ACAD10: variants seen among roughly 807,000 people sequenced by gnomAD.
ACAD10 encodes the protein acyl-CoA dehydrogenase family member 10, also known as ACAD-10.
A neutral mutation model predicts 116.8 loss-of-function variants in ACAD10; 112 were observed. The ratio of observed to expected loss-of-function variants is 0.96; its 90% confidence interval spans 0.82 to 1.12. ACAD10 has a LOEUF of 1.12. ACAD10 is among the 50% of genes most tolerant of loss of function. The probability of loss-of-function intolerance (pLI) is 0.00; values close to 1 mark genes in which losing one functional copy is unlikely to be tolerated. For synonymous variants in ACAD10, 486 were observed against 510.6 expected (o/e 0.95, Z 0.65); for missense variants, 1,259 against 1,350.2 (o/e 0.93, Z 1.06).
At chr12:111,755,160 T>G (rs1890174624) in intron 19 of ACAD10, among the ~76,000 whole-genome samples, 1 of 152,076 alleles carries the variant, frequency 6.6e-6, no homozygotes, top group African/African-American at 2.4e-5. Context: ...TGGAGTAGAG[T>G]GGCACAATCT....
rs1221525884 is a variant in ACAD10, at chr12:111,747,289, A to G, written c.2395-6A>G. 6.2e-7 allele frequency: 1 copy of G among 1,613,826 alleles called. No homozygotes were observed. The highest frequency in any genetic ancestry group is 1.1e-5 in the South Asian group (1 of 91,070). On this transcript the variant is annotated splice_region_variant and splice_polypyrimidine_tract_variant and intron_variant, in intron 15 of 20. Coordinates refer to ENST00000313698, the MANE Select transcript of ACAD10 (RefSeq NM_025247.6). ...CGTCTCTGACTGGAATATGCTCCCCACTCAGGTTGCCTCTTCAGATGCCAC... is the reference window on the plus strand; with the variant it reads ...CGTCTCTGACTGGAATATGCTCCCCGCTCAGGTTGCCTCTTCAGATGCCAC...
intron 7 of ACAD10, 144 bp downstream of exon 7, chr12:111,716,106 C>T (rs917270759): frequency 8.1e-7 from 1 of 1,240,560 alleles, no homozygotes; most frequent in South Asian, 1.4e-5. Flanking sequence ...TGGGTCACAC[C>T]TATAATCCCA....
intron 1 of ACAD10, among the ~76,000 whole-genome samples, chr12:111,690,024 A>C (rs559847812): frequency 1.3e-4 from 20 of 152,166 alleles, no homozygotes; most frequent in Non-Finnish European, 2.6e-4. Flanking sequence ...CTTACTTCGA[A>C]TATTTTCTAT....
intron 8 of ACAD10, among the ~76,000 whole-genome samples, chr12:111,723,507 G>A (rs1593035721): frequency 6.4e-5 from 9 of 140,102 alleles, no homozygotes; most frequent in East Asian, 4.4e-4. Context: ...GCGGCTGGCC[G>A]GGCAGAGGGG....
chr12:111,712,079 G>A (rs894727854), intron 5 of ACAD10, among the ~76,000 whole-genome samples: 11 of 152,168 alleles, frequency 7.2e-5, no homozygotes, highest in African/African-American at 2.7e-4. Context: ...GACAAATACA[G>A]AATGTAAAGT....
chr12:111,702,838 AACTTCAGC>A (rs1173921923), intron 3 of ACAD10, among the ~76,000 whole-genome samples: 1 of 152,068 alleles, frequency 6.6e-6, no homozygotes, highest in Admixed American at 6.6e-5. Flanking sequence ...TAACACCTGT[AACTTCAGC>A]ACTTTGGGAG....
Position 111,733,905 on chromosome 12 carries a change from C to G in ACAD10, c.1395-18C>G. 1 of 1,614,026 alleles carries G rather than the reference C, an allele frequency of 6.2e-7. No individual in the cohort carries two copies. The highest frequency in any genetic ancestry group is 1.1e-5 in the South Asian group (1 of 91,084). ...CAGTTTTCTTAGTGCTGTCTCTATTCCTCCTGCGACTTTTCAGGCTCGACA... is the reference window on the plus strand; with the variant it reads ...CAGTTTTCTTAGTGCTGTCTCTATTGCTCCTGCGACTTTTCAGGCTCGACA... On this transcript the variant is annotated intron_variant, in intron 10 of 20. Transcript: ENST00000313698.
At chr12:111,737,059 G>A (rs957060040) in intron 12 of ACAD10, 55 bp downstream of exon 12, 13 of 1,570,368 alleles carry the variant, frequency 8.3e-6, no homozygotes, top group South Asian at 2.4e-5. Flanking sequence ...AGCAAGGACC[G>A]TGCCTCCACC....
chr12:111,715,639 G>C, intron 6 of ACAD10, 182 bp from the exon 7 acceptor site: 1 of 667,450 alleles, frequency 1.5e-6, no homozygotes, highest in East Asian at 2.8e-5. Flanking sequence ...GACCTGAGTT[G>C]GCGGAGTGTA....
chr12:111,690,161 A>G (rs936303998), intron 1 of ACAD10, among the ~76,000 whole-genome samples: 2 of 152,218 alleles, frequency 1.3e-5, no homozygotes, highest in Non-Finnish European at 2.9e-5. Flanking sequence ...GAGGTTGAGT[A>G]TCCCTTGTCC....
chr12:111,728,000 C>T lies in ACAD10; in HGVS notation c.1100C>T (p.Pro367Leu), dbSNP rs1220485792. 1 of 1,613,844 alleles carries T rather than the reference C, an allele frequency of 6.2e-7. No individual in the cohort carries two copies. The highest frequency in any genetic ancestry group is 1.7e-5 in the Admixed American group (1 of 59,972). Reference protein sequence around the residue: ...GTPFYVMEYCPGLIYKDPSLP... With the variant: ...GTPFYVMEYCLGLIYKDPSLP... ...CCCTTCTATGTGATGGAGTACTGCC[C>T]AGGTCTCATCTACAAAGACCCTTCC... The change falls in exon 9 of 21, where the codon CCA (proline) becomes CTA (leucine). Residue 367 changes from proline to leucine, a missense_variant. Physicochemically the swap from Pro to Leu is moderately conservative, Grantham distance 98 (BLOSUM62 -3). Transcript: ENST00000313698.
rs757500754 is a variant in ACAD10 at position 111,747,405 on chromosome 12, C to T, written c.2485+20C>T. 3.1e-6 allele frequency: 5 copies of T among 1,613,226 alleles called. No individual in the cohort carries two copies. The highest frequency in any genetic ancestry group is 1.1e-5 in the South Asian group (1 of 91,070). On this transcript the variant is annotated intron_variant, in intron 16 of 20. Transcript: ENST00000313698. ...TCACAGGTATTTGGCCTAAAATGCA[C>T]TTTCCAAATGCACATCAGGGAGTCT... is the stretch of plus-strand genomic sequence containing the variant.
chr12:111,705,644 G>A, intron 3 of ACAD10, 94 bp from the exon 4 acceptor site: 1 of 1,176,810 alleles, frequency 8.5e-7, no homozygotes, highest in Non-Finnish European at 1.2e-6. Context: ...GAGAGCAGAA[G>A]GACGCCAGGA....
chr12:111,730,770 T>C (rs1211999717), intron 10 of ACAD10, among the ~76,000 whole-genome samples: 1 of 151,308 alleles, frequency 6.6e-6, no homozygotes, highest in East Asian at 1.9e-4. Context: ...TTTTTTTTTT[T>C]AGACATCGTC....
At chr12:111,697,519 C>T (rs1177718995) in intron 2 of ACAD10, among the ~76,000 whole-genome samples, 4 of 150,020 alleles carry the variant, frequency 2.7e-5, no homozygotes, top group Non-Finnish European at 5.9e-5. Context: ...TGCCACCATG[C>T]TTGGCTAATT....
intron 19 of ACAD10, among the ~76,000 whole-genome samples, chr12:111,754,201 TAA>T (rs1214286471): frequency 2.0e-5 from 3 of 152,204 alleles, no homozygotes; most frequent in Admixed American, 2.0e-4. Context: ...TTGGGCAACC[TAA>T]GAGTAAGGCA....
At chr12:111,740,460 CAA>C (rs563956614) in intron 12 of ACAD10, among the ~76,000 whole-genome samples, 14 of 71,122 alleles carry the variant, frequency 2.0e-4, no homozygotes, top group Admixed American at 1.7e-4. Context: ...GACTCCATCT[CAA>C]AAAAAAAAAA....
intron 3 of ACAD10, 49 bp downstream of exon 3, chr12:111,702,359 G>A: frequency 1.9e-6 from 3 of 1,596,118 alleles, no homozygotes; most frequent in African/African-American, 1.4e-5. Context: ...TTTGCCTTGA[G>A]TAGTGGTTGC....
At chr12:111,753,661 C>T in intron 18 of ACAD10, 111 bp from the exon 19 acceptor site, 1 of 1,433,558 alleles carries the variant, frequency 7.0e-7, no homozygotes, top group African/African-American at 1.4e-5. Context: ...CACTCTCCTC[C>T]CCTGCCCTGT....
Sources: allele counts gnomAD v4.1 joint callset (sites outside exome capture counted in the v4.1 genomes callset), GRCh38; gene constraint gnomAD v4.1.1; transcripts MANE v1.5; gene names NCBI Gene and HGNC (gene_info 2026-07-23, HGNC 2026-07-21).